LRRC4C: variants seen among roughly 807,000 people sequenced by gnomAD.
LRRC4C encodes leucine-rich repeat-containing protein 4C.
Under a neutral mutation model 33.6 loss-of-function variants are expected in LRRC4C, and 5 were observed. The observed-to-expected ratio is 0.15, with a 90% confidence interval of 0.08 to 0.31. LRRC4C has a LOEUF of 0.31. Among genes scored for constraint, LRRC4C ranks in the 10% least tolerant of loss-of-function variants. The probability of loss-of-function intolerance (pLI) is 1.00; values close to 1 mark genes in which losing one functional copy is unlikely to be tolerated. For synonymous variants in LRRC4C, 329 were observed against 302.0 expected, an observed-to-expected ratio of 1.09 and a Z score of -0.93; for missense variants, 560 against 796.7, an observed-to-expected ratio of 0.70 and a Z score of 3.58.
intron 1 of LRRC4C, among the ~76,000 whole-genome samples, chr11:41,425,603 T>C (rs1379584618): frequency 6.6e-6 from 1 of 152,168 alleles, no homozygotes; most frequent in Non-Finnish European, 1.5e-5. Flanking sequence ...TACTGAACAG[T>C]GTTTTGATGA....
At chr11:40,943,252 C>G (rs1958239493) in intron 1 of LRRC4C, among the ~76,000 whole-genome samples, 1 of 152,184 alleles carries the variant, frequency 6.6e-6, no homozygotes, top group Non-Finnish European at 1.5e-5. Context: ...CTCACAGCAT[C>G]TCTGCAGGCA....
chr11:40,813,925 G>A (rs995442261), intron 2 of LRRC4C, among the ~76,000 whole-genome samples: 5 of 152,220 alleles, frequency 3.3e-5, no homozygotes, highest in Non-Finnish European at 7.3e-5. Flanking sequence ...GTTGATGCAA[G>A]AGGTGGTCAC....
intron 4 of LRRC4C, among the ~76,000 whole-genome samples, chr11:40,272,025 A>G (rs1942743495): frequency 6.6e-6 from 1 of 152,162 alleles, no homozygotes; most frequent in African/African-American, 2.4e-5. Context: ...TTGGTATGAT[A>G]CATCAATCCA....
intron 2 of LRRC4C, among the ~76,000 whole-genome samples, chr11:40,873,083 C>A (rs1426801148): frequency 1.3e-5 from 2 of 152,112 alleles, no homozygotes; most frequent in African/African-American, 4.8e-5. Context: ...AGGTTAGCAG[C>A]CTGGTGAAGT....
rs1555142891 is a variant in LRRC4C, at chr11:41,306,037, AAAAG to A, written c.-496+153390_-496+153393del. Reference sequence around the variant, plus strand: ...TTCTTTCTCTAAAAAAAAAAAAAAAAAAAGAAAGAAAAATACTGCATTAAATTAC... The same window carrying A: ...TTCTTTCTCTAAAAAAAAAAAAAAAAAAAGAAAAATACTGCATTAAATTAC... On this transcript the variant is annotated intron_variant, in intron 1 of 6. Transcript: ENST00000528697. Among the ~76,000 whole-genome samples the A allele has an allele frequency of 6.0e-3, 875 of 144,830 alleles. 10 individuals are homozygous for A. The highest frequency in any genetic ancestry group is 0.02 in the African/African-American group (803 of 39,962).
At chr11:40,598,304 G>C (rs1172568974) in intron 3 of LRRC4C, among the ~76,000 whole-genome samples, 1 of 152,102 alleles carries the variant, frequency 6.6e-6, no homozygotes, top group East Asian at 1.9e-4. Context: ...CAAACAAAGA[G>C]CCTCAAAACT....
In LRRC4C at chr11:40,984,413, AAG is replaced by A. The variant is rs139916332; in HGVS notation, c.-495-50692_-495-50691del. On this transcript the variant is annotated intron_variant, in intron 1 of 6. Coordinates refer to ENST00000528697, the MANE Select transcript of LRRC4C (RefSeq NM_001258419.2). ...AAAGAAAGAAAGAAAGAAAGAAAGAAAGAGAAAGAAAGAAAGAGAAAAAGAAA... is the reference window on the plus strand; with the variant it reads ...AAAGAAAGAAAGAAAGAAAGAAAGAAAGAAAGAAAGAAAGAGAAAAAGAAA... Among the ~76,000 whole-genome samples, 190 of 75,286 alleles carry A rather than the reference AAG, an allele frequency of 2.5e-3. 2 individuals carry two copies. The highest frequency in any genetic ancestry group is 9.4e-3 in the East Asian group (27 of 2,872). 49.4% of individuals were successfully genotyped at this position (75,286 alleles called of 152,430 possible).
chr11:41,194,108 T>TA (rs1450812963), intron 1 of LRRC4C, among the ~76,000 whole-genome samples: 4 of 152,136 alleles, frequency 2.6e-5, no homozygotes, highest in African/African-American at 9.7e-5. Flanking sequence ...TCATGAATTG[T>TA]AAATGTATTT....
rs34736782 is a variant in LRRC4C, at chr11:41,344,226, C to CTTT, written c.-496+115202_-496+115204dup. Among the ~76,000 whole-genome samples the CTTT allele has an allele frequency of 2.7e-4, 32 of 118,422 alleles. 1 individual carries two copies. Among genetic ancestry groups the CTTT allele is most frequent in the Non-Finnish European group, 3.4e-4 (20 of 58,926 alleles). The allele number at this position is 118,422 out of a possible 152,430, so 77.7% of individuals were successfully genotyped here. A position where few individuals can be genotyped will look rare whatever the true frequency, so the allele number is the denominator to read the frequency against. Reference sequence around the variant, plus strand: ...CTCTTTGCTCCTCTGTGAAGCCTTTCTTTTTTTTTTTTTTTTTTGCGATGG... The same window carrying CTTT: ...CTCTTTGCTCCTCTGTGAAGCCTTTCTTTTTTTTTTTTTTTTTTTTTGCGATGG... On this transcript the variant is annotated intron_variant, in intron 1 of 6. Coordinates refer to ENST00000528697, the MANE Select transcript of LRRC4C (RefSeq NM_001258419.2).
At chr11:40,450,597 A>G (rs1951838949) in intron 3 of LRRC4C, among the ~76,000 whole-genome samples, 1 of 152,106 alleles carries the variant, frequency 6.6e-6, no homozygotes, top group South Asian at 2.1e-4. Flanking sequence ...CCTTAGTGCT[A>G]TAATCATTTA....
At chr11:40,403,299 A>G (rs951418662) in intron 3 of LRRC4C, among the ~76,000 whole-genome samples, 2 of 152,146 alleles carry the variant, frequency 1.3e-5, no homozygotes, top group African/African-American at 4.8e-5. Context: ...GGATTAAAAC[A>G]CCAATTTTAG....
chr11:40,462,185 TATAA>T (rs1952430716), intron 3 of LRRC4C, among the ~76,000 whole-genome samples: 1 of 152,074 alleles, frequency 6.6e-6, no homozygotes, highest in African/African-American at 2.4e-5. Context: ...ATATTGATGT[TATAA>T]ATAGAGGATA....
intron 1 of LRRC4C, among the ~76,000 whole-genome samples, chr11:41,008,547 T>C (rs1270803514): frequency 6.6e-6 from 1 of 152,184 alleles, no homozygotes; most frequent in Non-Finnish European, 1.5e-5. Flanking sequence ...TCCTTCTCAG[T>C]TTTAACTGCT....
At chr11:41,418,128 A>G (rs1042603171) in intron 1 of LRRC4C, among the ~76,000 whole-genome samples, 1 of 151,966 alleles carries the variant, frequency 6.6e-6, no homozygotes, top group African/African-American at 2.4e-5. Context: ...ACCTGTGCTG[A>G]AAAATGTAAT....
intron 2 of LRRC4C, among the ~76,000 whole-genome samples, chr11:40,665,249 C>T (rs1489240843): frequency 5.5e-5 from 8 of 144,654 alleles, no homozygotes; most frequent in African/African-American, 2.1e-4. Context: ...GCTTCAGCAA[C>T]TTTAATAAAG....
At chr11:40,368,539 A>G (rs1311656657) in intron 3 of LRRC4C, among the ~76,000 whole-genome samples, 3 of 152,170 alleles carry the variant, frequency 2.0e-5, no homozygotes, top group Admixed American at 1.3e-4. Context: ...AAACAGCTCA[A>G]TTCCTAAGGG....
rs1033203732 is a variant in LRRC4C, at chr11:40,428,671, A to G, written c.-269-108950T>C. Among the ~76,000 whole-genome samples, 5 of 152,358 alleles carry G rather than the reference A, an allele frequency of 3.3e-5. No homozygotes were observed. The South Asian group carries it at 8.3e-4, about 25-fold the overall frequency. On this transcript the variant is annotated intron_variant, in intron 3 of 6. Coordinates refer to ENST00000528697, the MANE Select transcript of LRRC4C (RefSeq NM_001258419.2). ...CCCTTAACTAGCAAGTTGCTTGAAT[A>G]AAGTCATACATGGAGTAAATGATAT...
At chr11:40,938,327 G>T (rs570855105) in intron 1 of LRRC4C, among the ~76,000 whole-genome samples, 1 of 151,716 alleles carries the variant, frequency 6.6e-6, no homozygotes, top group Non-Finnish European at 1.5e-5. Context: ...AGATCCAAGC[G>T]AAGGGTGAGG....
intron 3 of LRRC4C, among the ~76,000 whole-genome samples, chr11:40,340,301 G>A (rs1275471579): frequency 6.6e-6 from 1 of 152,040 alleles, no homozygotes; most frequent in East Asian, 1.9e-4. Context: ...AACAGGCCAT[G>A]TACAGTTCAA....
Sources: gnomAD v4.1 joint callset for allele counts (sites outside exome capture counted in the v4.1 genomes callset) on GRCh38, gnomAD v4.1.1 for gene constraint, MANE v1.5 for transcripts, NCBI Gene and HGNC (gene_info 2026-07-23, HGNC 2026-07-21) for gene names.